Variants in SOX6 observed in about 807,000 individuals in gnomAD.
The protein encoded by SOX6 is SRY-box transcription factor 6, also known as transcription factor SOX-6.
In SOX6, 11 loss-of-function variants were observed where a neutral mutation model predicts 97.8. That is an observed-to-expected ratio of 0.11 (90% CI 0.07 to 0.19). The LOEUF is 0.19. SOX6 is among the 10% of genes least tolerant of loss of function. The pLI, the probability that SOX6 is intolerant of heterozygous loss-of-function variation, is 1.00. For synonymous variants in SOX6, 360 were observed against 371.4 expected (o/e 0.97, Z 0.35); for missense variants, 810 against 1,039.5 (o/e 0.78, Z 3.04).
At chr11:16,221,817 G>A (rs1852547163) in intron 4 of SOX6, among the ~76,000 whole-genome samples, 1 of 151,980 alleles carries the variant, frequency 6.6e-6, no homozygotes, top group South Asian at 2.1e-4. Context: ...TCAACATAAG[G>A]AAAAGAGTTA....
At chr11:16,635,076 C>A (rs2133998710) in intron 3 of SOX6, among the ~76,000 whole-genome samples, 1 of 152,280 alleles carries the variant, frequency 6.6e-6, no homozygotes, top group African/African-American at 2.4e-5. Context: ...ATTACCCAGT[C>A]TTGGGTATGT....
intron 1 of SOX6, among the ~76,000 whole-genome samples, chr11:16,394,838 T>C (rs1858297376): frequency 6.6e-6 from 1 of 151,812 alleles, no homozygotes; most frequent in Admixed American, 6.6e-5. Flanking sequence ...GAGTTTATAA[T>C]TTGAAAGTTC....
In SOX6 at chr11:15,979,498, G is replaced by A. The variant is rs1382085755; in HGVS notation, c.2184-6386C>T. ...ATTCCTCTGCTTAAAACTCATCAAT[G>A]CCTTTCCATCTCACTCAGGGTCAAA... is the stretch of plus-strand genomic sequence containing the variant. On this transcript the variant is annotated intron_variant, in intron 15 of 15. Coordinates refer to ENST00000683767, the MANE Select transcript of SOX6 (RefSeq NM_001367873.1). Among the ~76,000 whole-genome samples the A allele has an allele frequency of 2.0e-5, 3 of 152,126 alleles. No individual in the cohort carries two copies. The East Asian group carries it at 5.8e-4, about 29-fold the overall frequency.
chr11:16,350,473 T>C (rs1426138867), intron 1 of SOX6, among the ~76,000 whole-genome samples: 1 of 152,150 alleles, frequency 6.6e-6, no homozygotes, highest in Non-Finnish European at 1.5e-5. Flanking sequence ...TATAATACAA[T>C]TTTTTCCAAG....
At chr11:16,232,342 T>C (rs1174571574) in intron 4 of SOX6, among the ~76,000 whole-genome samples, 2 of 151,916 alleles carry the variant, frequency 1.3e-5, no homozygotes, top group East Asian at 1.9e-4. Context: ...TTAGGATGTA[T>C]GAAGAGATGA....
At chr11:16,486,282 A>C (rs1204105800) in intron 4 of SOX6, among the ~76,000 whole-genome samples, 1 of 152,112 alleles carries the variant, frequency 6.6e-6, no homozygotes, top group African/African-American at 2.4e-5. Flanking sequence ...TGGGTAAAAA[A>C]GAATATATTT....
At chr11:16,217,697 A>G (rs1391747064) in intron 4 of SOX6, among the ~76,000 whole-genome samples, 3 of 152,134 alleles carry the variant, frequency 2.0e-5, no homozygotes, top group African/African-American at 7.2e-5. Flanking sequence ...TTTGAAGAGT[A>G]TAGTCAAAGA....
intron 13 of SOX6, among the ~76,000 whole-genome samples, chr11:15,994,156 A>C (rs1400673753): frequency 1.3e-5 from 2 of 152,232 alleles, no homozygotes; most frequent in Non-Finnish European, 2.9e-5. Flanking sequence ...TAAAAATTAC[A>C]AACGATGCTA....
intron 3 of SOX6, among the ~76,000 whole-genome samples, chr11:16,678,530 G>T (rs1847901824): frequency 6.6e-6 from 1 of 152,172 alleles, no homozygotes; most frequent in Admixed American, 6.5e-5. Flanking sequence ...CTCCCAGCAA[G>T]ATCAACACAG....
At chr11:16,404,841 T>C (rs914649180) in intron 1 of SOX6, among the ~76,000 whole-genome samples, 1 of 152,016 alleles carries the variant, frequency 6.6e-6, no homozygotes, top group Non-Finnish European at 1.5e-5. Context: ...CTTTTCAACC[T>C]GAAACTCTGT....
Position 16,015,045 on chromosome 11 carries a change from T to G in SOX6, c.1629A>C (p.Arg543Ser). 1 of 1,612,590 alleles carries G rather than the reference T, an allele frequency of 6.2e-7. No homozygotes were observed. The highest frequency in any genetic ancestry group is 8.5e-7 in the Non-Finnish European group (1 of 1,179,088). Reference sequence around the variant, plus strand: ...GGGGCCCCAAATTCTCAAAGCGCGTTCTTTCCTAGAGGAACAAATAATCAG... The same window carrying G: ...GGGGCCCCAAATTCTCAAAGCGCGTGCTTTCCTAGAGGAACAAATAATCAG... ...GLNSCRNEKE[R>S]TRFENLGPQL... The change falls in exon 13 of 16, where the codon AGA becomes AGC. Residue 543 changes from arginine to serine, a missense_variant. This residue lies in a region of SOX6 where 120 missense variants were observed against 127.0 expected (regional missense o/e 0.94). Transcript: ENST00000683767.
chr11:16,632,849 G>T lies in SOX6; in HGVS notation n.430-20589C>A, dbSNP rs541646047. Reference sequence around the variant, plus strand: ...ACCAAGATTTCTGCACAGGAGGAGCGGAGTGGCTCAGGCTTCTGAACCAGG... The same window carrying T: ...ACCAAGATTTCTGCACAGGAGGAGCTGAGTGGCTCAGGCTTCTGAACCAGG... On this transcript the variant is annotated intron_variant and non_coding_transcript_variant, in intron 3 of 5. Transcript: ENST00000524520. 4.2e-3 allele frequency among the ~76,000 whole-genome samples: 646 copies of T among 152,310 alleles called. 1 individual carries two copies. The highest frequency in any genetic ancestry group is 6.8e-3 in the Middle Eastern group (2 of 294).
rs1271757941 is a variant in SOX6 at position 16,014,807 on chromosome 11, G to C, written c.1732+135C>G. On this transcript the variant is annotated intron_variant, in intron 13 of 15. Coordinates refer to ENST00000683767, the MANE Select transcript of SOX6 (RefSeq NM_001367873.1). ...ACTTACATACATACGTAGTTGAAGAGTGACATTTCCTTTGCTTTGCCTAAG... is the reference window on the plus strand; with the variant it reads ...ACTTACATACATACGTAGTTGAAGACTGACATTTCCTTTGCTTTGCCTAAG... 1.8e-4 allele frequency: 143 copies of C among 789,096 alleles called. 2 individuals carry two copies. In the South Asian group the frequency reaches 1.9e-3, roughly 11 times the overall value. The allele number at this position is 789,096 out of a possible 1,614,324, so 48.9% of individuals were successfully genotyped here. A position where few individuals can be genotyped will look rare whatever the true frequency, so the allele number is the denominator to read the frequency against.
At chr11:16,117,935 T>C (rs1767701057) in intron 6 of SOX6, among the ~76,000 whole-genome samples, 1 of 152,124 alleles carries the variant, frequency 6.6e-6, no homozygotes, top group South Asian at 2.1e-4. Context: ...CCACATGTCT[T>C]TTCCAAGAAG....
chr11:16,168,858 GATA>G (rs1850955888), intron 6 of SOX6, among the ~76,000 whole-genome samples: 2 of 152,118 alleles, frequency 1.3e-5, no homozygotes, highest in African/African-American at 4.8e-5. Flanking sequence ...AGACCACTTT[GATA>G]ATGAGATGTA....
At chr11:16,630,523 T>TGAA (rs1848691098) in intron 3 of SOX6, among the ~76,000 whole-genome samples, 1 of 152,182 alleles carries the variant, frequency 6.6e-6, no homozygotes, top group Admixed American at 6.5e-5. Context: ...TGGTTGATCT[T>TGAA]GGAGTATGTT....
intron 3 of SOX6, among the ~76,000 whole-genome samples, chr11:16,641,330 T>A (rs1848910147): frequency 6.6e-6 from 1 of 152,154 alleles, no homozygotes; most frequent in African/African-American, 2.4e-5. Flanking sequence ...TACTTCCAAC[T>A]ATGTGGTCAG....
intron 12 of SOX6, among the ~76,000 whole-genome samples, chr11:16,025,596 G>A (rs191689891): frequency 6.6e-6 from 1 of 152,258 alleles, no homozygotes; most frequent in East Asian, 1.9e-4. Context: ...GTACTTTTTA[G>A]TATTATTTGT....
intron 3 of SOX6, among the ~76,000 whole-genome samples, chr11:16,669,550 C>A (rs762319676): frequency 6.6e-6 from 1 of 152,228 alleles, no homozygotes; most frequent in South Asian, 2.1e-4. Flanking sequence ...GGGCCTCCAG[C>A]CATACCCGGC....
Sources: gnomAD v4.1 joint callset for allele counts (sites outside exome capture counted in the v4.1 genomes callset) on GRCh38, gnomAD v4.1.1 for gene constraint, gnomAD v4.1.1 regional missense constraint, MANE v1.5 for transcripts, NCBI Gene and HGNC (gene_info 2026-07-23, HGNC 2026-07-21) for gene names.